The following CCHCR1 variants were observed in gnomAD, a reference collection of about 807,000 sequenced individuals.
CCHCR1 encodes the protein HCR (a-helix coiled-coil rod homologue).
In CCHCR1, 91 loss-of-function variants were observed where a neutral mutation model predicts 114.6. That is an observed-to-expected ratio of 0.79 (90% CI 0.67 to 0.94). The LOEUF (loss-of-function observed/expected upper bound fraction) is 0.94, where lower values mean the gene tolerates loss of function less well. Among genes scored for constraint, CCHCR1 ranks in the 40% least tolerant of loss-of-function variants. The probability of loss-of-function intolerance (pLI) is 0.00; values close to 1 mark genes in which losing one functional copy is unlikely to be tolerated. For missense variants in CCHCR1, 899 were observed against 1,079.9 expected (o/e 0.83, Z 2.35); for synonymous variants, 379 against 428.5 (o/e 0.88, Z 1.43).
intron 8 of CCHCR1, chr6:31,149,780 A>C: frequency 5.4e-6 from 2 of 372,684 alleles, no homozygotes; most frequent in Admixed American, 4.2e-5. Context: ...AGGCAGGTGA[A>C]TCACCTGAGG....
In CCHCR1 at chr6:31,150,312, GAGC is replaced by G; in HGVS notation, c.1213-100_1213-98del. On this transcript the variant is annotated intron_variant, in intron 7 of 17. Transcript: ENST00000396268. This position sits in a 1 kb window ranked among gnomAD's most constrained non-coding sequence, Gnocchi z 5.3. The stretch of plus-strand genomic sequence containing the variant: ...CTCCTCTGTCCTGCCTGGGCAACAT[GAGC>G]TACAGCAAGAGGAGTTCACAGGAAG... 3 of 1,435,462 alleles carry G rather than the reference GAGC, an allele frequency of 2.1e-6. No individual in the cohort carries two copies. In the South Asian group the frequency reaches 3.6e-5, roughly 17 times the overall value. 88.9% of individuals were successfully genotyped at this position (1,435,462 alleles called of 1,614,324 possible).
At chr6:31,157,338 C>T (rs1234038193) in intron 1 of CCHCR1, 47 bp downstream of exon 1, 3 of 1,462,104 alleles carry the variant, frequency 2.1e-6, no homozygotes, top group African/African-American at 1.4e-5. Flanking sequence ...CTGAGAGGGG[C>T]TCTGAGGCTT....
chr6:31,144,647 C>T lies in CCHCR1; in HGVS notation c.2167+40G>A. On this transcript the variant is annotated intron_variant, in intron 15 of 17. Transcript: ENST00000396268. This position sits in a 1 kb window ranked among gnomAD's most constrained non-coding sequence, Gnocchi z 4.6. ...TAATAACCTTATGTCTTAACACTTC[C>T]TTCTTCCTGGAAGGCCCTATCCACC... The T allele has an allele frequency of 1.5e-6, 2 of 1,306,358 alleles. No individual in the cohort carries two copies. Among genetic ancestry groups the T allele is most frequent in the Non-Finnish European group, 2.2e-6 (2 of 916,738 alleles). 80.9% of individuals were successfully genotyped at this position (1,306,358 alleles called of 1,614,324 possible). A position where few individuals can be genotyped will look rare whatever the true frequency, so the allele number is the denominator to read the frequency against.
In CCHCR1 at chr6:31,154,819, C is replaced by A. The variant is rs1449002000; in HGVS notation, c.498-20G>T. On this transcript the variant is annotated intron_variant, in intron 3 of 17. Coordinates refer to ENST00000396268, the MANE Select transcript of CCHCR1 (RefSeq NM_001105564.2). This position sits in a 1 kb window ranked among gnomAD's most constrained non-coding sequence, Gnocchi z 4.1. ...CAGGACCTTCAAAGACAGGTTAGTG[C>A]AGGTGAGACTTGTCTCCAGTGCTGG... The A allele has an allele frequency of 1.3e-6, 2 of 1,582,656 alleles. No homozygotes were observed. The highest frequency in any genetic ancestry group is 1.7e-6 in the Non-Finnish European group (2 of 1,168,460).
intron 17 of CCHCR1, 103 bp downstream of exon 17, chr6:31,142,860 C>T: frequency 6.7e-7 from 1 of 1,490,976 alleles, no homozygotes; most frequent in Non-Finnish European, 9.1e-7. Flanking sequence ...GGCTAAGGGC[C>T]TCGAAGGACC....
intron 8 of CCHCR1, chr6:31,149,783 AC>A: frequency 2.6e-6 from 1 of 386,322 alleles, no homozygotes; most frequent in Non-Finnish European, 4.7e-6. Context: ...CAGGTGAATC[AC>A]CTGAGGTCAG....
intron 8 of CCHCR1, 151 bp downstream of exon 8, chr6:31,149,915 C>T: frequency 2.6e-6 from 2 of 761,498 alleles, no homozygotes; most frequent in South Asian, 1.7e-5. Context: ...TGTCTCTGTT[C>T]TAGAATGCAA....
intron 17 of CCHCR1, 123 bp downstream of exon 17, chr6:31,142,840 C>G: frequency 6.7e-7 from 1 of 1,494,178 alleles, no homozygotes; most frequent in Non-Finnish European, 9.1e-7. Context: ...AGCTGGGCAT[C>G]GCTAAAAGAG....
At chr6:31,152,283 A>AAG (rs1775348704) in intron 4 of CCHCR1, among the ~76,000 whole-genome samples, 1 of 69,872 alleles carries the variant, frequency 1.4e-5, no homozygotes, top group Non-Finnish European at 2.7e-5. Context: ...CTCCATCTCA[A>AAG]AAAAAAAAAA....
rs1211930059 is a variant in CCHCR1, at chr6:31,150,938, C to T, written c.965+21G>A. 10 of 1,611,614 alleles carry T rather than the reference C, an allele frequency of 6.2e-6. No homozygotes were observed. In the East Asian group the frequency reaches 6.7e-5, roughly 11 times the overall value. On this transcript the variant is annotated intron_variant, in intron 5 of 17. Coordinates refer to ENST00000396268, the MANE Select transcript of CCHCR1 (RefSeq NM_001105564.2). This position sits in a 1 kb window ranked among gnomAD's most constrained non-coding sequence, Gnocchi z 5.3. ...ACCACATCACTAATTGCTGGGCTCC[C>T]GTCGGCGTCCGCCCACCTACCTCAG...
rs769454876 is a variant in CCHCR1 at position 31,144,791 on chromosome 6, G to A, written c.2066-3C>T. 5 of 1,613,402 alleles carry A rather than the reference G, an allele frequency of 3.1e-6. No individual in the cohort carries two copies. The Admixed American group carries it at 6.7e-5, about 22-fold the overall frequency. On this transcript the variant is annotated splice_polypyrimidine_tract_variant and splice_region_variant and intron_variant, in intron 14 of 17. Coordinates refer to ENST00000396268, the MANE Select transcript of CCHCR1 (RefSeq NM_001105564.2). This position sits in a 1 kb window ranked among gnomAD's most constrained non-coding sequence, Gnocchi z 4.6. ...TTCAGCCACCTTTTCTTGCAGGGCT[G>A]GGGTGAAAGTGCAGACGGGGCATAT...
At chr6:31,157,260 G>T (rs1340740143) in intron 1 of CCHCR1, 125 bp downstream of exon 1, 4 of 1,031,736 alleles carry the variant, frequency 3.9e-6, no homozygotes, top group African/African-American at 1.6e-5. Context: ...TCACTTGCTT[G>T]TCTCAACCTG....
chr6:31,155,411 T>G (rs1775853125), intron 3 of CCHCR1, among the ~76,000 whole-genome samples: 1 of 152,012 alleles, frequency 6.6e-6, no homozygotes, highest in South Asian at 2.1e-4. Flanking sequence ...GAGATCATCC[T>G]GGTTAACACG....
At chr6:31,155,267 C>T (rs977418691) in intron 3 of CCHCR1, among the ~76,000 whole-genome samples, 1 of 152,040 alleles carries the variant, frequency 6.6e-6, no homozygotes, top group Non-Finnish European at 1.5e-5. Flanking sequence ...ATAGAGAGGT[C>T]GTAAGCTTCC....
In CCHCR1 at chr6:31,151,226, A is replaced by G; in HGVS notation, c.802-104T>C. 2 of 1,240,958 alleles carry G rather than the reference A, an allele frequency of 1.6e-6. No homozygotes were observed. Among genetic ancestry groups the G allele is most frequent in the Non-Finnish European group, 2.2e-6 (2 of 892,390 alleles). The allele number at this position is 1,240,958 out of a possible 1,614,324, so 76.9% of individuals were successfully genotyped here. A position where few individuals can be genotyped will look rare whatever the true frequency, so the allele number is the denominator to read the frequency against. On this transcript the variant is annotated intron_variant, in intron 4 of 17. Coordinates refer to ENST00000396268, the MANE Select transcript of CCHCR1 (RefSeq NM_001105564.2). The surrounding 1 kb of genome is among the most constrained non-coding windows in gnomAD (Gnocchi z 4.1). ...GTGACCTTAGAGAATGACCCAACCA[A>G]TCAGCCAACTGTGCACAGCAAATGG...
Position 31,144,844 on chromosome 6 carries a change from ACCCCACC to A in CCHCR1, c.2065+34_2065+40del, listed in dbSNP as rs750779467. On this transcript the variant is annotated intron_variant, in intron 14 of 17. Coordinates refer to ENST00000396268, the MANE Select transcript of CCHCR1 (RefSeq NM_001105564.2). The surrounding 1 kb of genome is among the most constrained non-coding windows in gnomAD (Gnocchi z 4.6). ...GCAGGAGCTTTGATTCGCAGTTCCC[ACCCCACC>A]CTCCAAGGGAAGCACCCATTTCCCT... 1.2e-6 allele frequency: 2 copies of A among 1,608,692 alleles called. No homozygotes were observed. Among genetic ancestry groups the A allele is most frequent in the Non-Finnish European group, 1.7e-6 (2 of 1,175,630 alleles).
rs749612470 is a variant in CCHCR1, at chr6:31,143,398, T to C, written c.2183A>G (p.Gln728Arg). ...TTCCTGGGCGGCTCTGCGCTGAATC[T>C]GGCGTAAGGAGACCACTACAGAGAG... ...EHAKAVVSLRQIQRRAAQEKE... is the reference protein window; with the variant it reads ...EHAKAVVSLRRIQRRAAQEKE... The change falls in exon 16 of 18, where the codon CAG (glutamine) becomes CGG (arginine). Residue 728 changes from glutamine (Q) to arginine (R), a missense_variant. Physicochemically the swap from Gln to Arg is conservative, Grantham distance 43. Coordinates refer to ENST00000396268, the MANE Select transcript of CCHCR1 (RefSeq NM_001105564.2). The surrounding 1 kb of genome is among the most constrained non-coding windows in gnomAD (Gnocchi z 5.3). 6.2e-7 allele frequency: 1 copy of C among 1,612,948 alleles called. No homozygotes were observed. Among genetic ancestry groups the C allele is most frequent in the Non-Finnish European group, 8.5e-7 (1 of 1,180,026 alleles).
chr6:31,144,157 T>A lies in CCHCR1; in HGVS notation c.2167+530A>T, dbSNP rs1773959445. On this transcript the variant is annotated intron_variant, in intron 15 of 17. Coordinates refer to ENST00000396268, the MANE Select transcript of CCHCR1 (RefSeq NM_001105564.2). The surrounding 1 kb of genome is among the most constrained non-coding windows in gnomAD (Gnocchi z 4.6). ...TAGATAAGAGACCAAATGTGGCAAA[T>A]GTTAACTGCTATATTTAGTTAGAGA... 6.6e-6 allele frequency among the ~76,000 whole-genome samples: 1 copy of A among 152,164 alleles called. No homozygotes were observed. Among genetic ancestry groups the A allele is most frequent in the Non-Finnish European group, 1.5e-5 (1 of 68,018 alleles).
In CCHCR1 at chr6:31,148,858, C is replaced by CCG; in HGVS notation, c.1363-131_1363-130insCG. 2.9e-5 allele frequency: 5 copies of CCG among 175,124 alleles called. 1 individual carries two copies. The South Asian group carries it at 9.3e-4, about 33-fold the overall frequency. 10.8% of individuals were successfully genotyped at this position (175,124 alleles called of 1,614,324 possible). On this transcript the variant is annotated intron_variant, in intron 8 of 17. Coordinates refer to ENST00000396268, the MANE Select transcript of CCHCR1 (RefSeq NM_001105564.2). Reference sequence around the variant, plus strand: ...AGGGGCTGGGGGGAGGGGGGGCGGGCGACGGGGGTGGGTTGCAGCACGGTG... The same window carrying CCG: ...AGGGGCTGGGGGGAGGGGGGGCGGGCCGGACGGGGGTGGGTTGCAGCACGGTG...
Sources: gnomAD v4.1 joint callset for allele counts (sites outside exome capture counted in the v4.1 genomes callset) on GRCh38, gnomAD v4.1.1 for gene constraint, Gnocchi (gnomAD v3.1) non-coding constraint, MANE v1.5 for transcripts, NCBI Gene and HGNC (gene_info 2026-07-23, HGNC 2026-07-21) for gene names.